The following CENPE variants were observed in gnomAD, a reference collection of about 807,000 sequenced individuals.
CENPE encodes the protein centromere-associated protein E.
In CENPE, 145 loss-of-function variants were observed where a neutral mutation model predicts 336.1. The observed-to-expected ratio is 0.43, with a 90% CI of 0.38 to 0.50. The LOEUF is 0.50. Ranked by LOEUF, CENPE falls within the 20% of genes least tolerant of loss-of-function variation. The pLI is 0.00. For missense variants in CENPE, 2,719 were observed against 3,023.3 expected (o/e 0.90, Z 2.36); for synonymous variants, 1,013 against 984.8 (o/e 1.03, Z -0.54).
chr4:103,131,427 A>C (rs1271817343), intron 42 of CENPE, among the ~76,000 whole-genome samples: 1 of 152,232 alleles, frequency 6.6e-6, no homozygotes, highest in East Asian at 1.9e-4. Context: ...ACTTACTAGA[A>C]TGGTCAAAAT....
At chr4:103,133,273 T>C (rs2125899632) in intron 41 of CENPE, among the ~76,000 whole-genome samples, 1 of 152,222 alleles carries the variant, frequency 6.6e-6, no homozygotes, top group Non-Finnish European at 1.5e-5. Flanking sequence ...CTTGAACCCC[T>C]GGAGTCAAGT....
chr4:103,113,947 T>C (rs1167921071), intron 46 of CENPE, among the ~76,000 whole-genome samples: 1 of 151,960 alleles, frequency 6.6e-6, no homozygotes, highest in African/African-American at 2.4e-5. Context: ...GCATGTATAT[T>C]GAGAAATTTG....
intron 15 of CENPE, among the ~76,000 whole-genome samples, chr4:103,175,156 A>G (rs1288971600): frequency 6.6e-6 from 1 of 152,010 alleles, no homozygotes; most frequent in Non-Finnish European, 1.5e-5. Flanking sequence ...GCTCCTCAGT[A>G]ATAAAACTGA....
chr4:103,146,035 C>T lies in CENPE; in HGVS notation c.4207G>A (p.Val1403Met), dbSNP rs377439303. Reference protein sequence around the residue: ...KEKDNETTKIVSEMEQFKPKD... With the variant: ...KEKDNETTKIMSEMEQFKPKD... ...GGTTTGAATTGCTCCATCTCACTCA[C>T]GATTTTGGTAGTTTCATTGTCTTTT... The change falls in exon 30 of 49, where the codon GTG (valine) becomes ATG (methionine). Residue 1403 changes from valine to methionine, a missense_variant. Around this residue, in one of 5 missense-constraint regions of CENPE, gnomAD observed 2,437 missense variants for 2,513.3 expected, o/e 0.97. Coordinates refer to ENST00000265148, the MANE Select transcript of CENPE (RefSeq NM_001813.3). 21 of 1,613,700 alleles carry T rather than the reference C, an allele frequency of 1.3e-5. No individual in the cohort carries two copies. The highest frequency in any genetic ancestry group is 2.7e-5 in the African/African-American group (2 of 74,884).
chr4:103,158,904 T>C lies in CENPE; in HGVS notation c.2602-18A>G. The C allele has an allele frequency of 6.3e-7, 1 of 1,587,574 alleles. No homozygotes were observed. The highest frequency in any genetic ancestry group is 8.5e-7 in the Non-Finnish European group (1 of 1,172,120). On this transcript the variant is annotated intron_variant, in intron 22 of 48. Transcript: ENST00000265148. Reference sequence around the variant, plus strand: ...TAAGAAAGCTTTAAAAAAGAAAAAGTAAATGTCACACAGTAAAAGCAGAGC... The same window carrying C: ...TAAGAAAGCTTTAAAAAAGAAAAAGCAAATGTCACACAGTAAAAGCAGAGC...
intron 8 of CENPE, among the ~76,000 whole-genome samples, chr4:103,190,487 C>A (rs1757208938): frequency 6.6e-6 from 1 of 152,112 alleles, no homozygotes; most frequent in African/African-American, 2.4e-5. Context: ...GAAATAATGC[C>A]ACATATCTAC....
intron 11 of CENPE, among the ~76,000 whole-genome samples, chr4:103,182,560 TG>T (rs1287340728): frequency 1.3e-5 from 2 of 152,144 alleles, no homozygotes; most frequent in Non-Finnish European, 2.9e-5. Context: ...AAAATAGTGT[TG>T]GGTGTGGCAA....
At chr4:103,144,678 C>G (rs925380649) in intron 32 of CENPE, 60 bp from the exon 33 acceptor site, 5 of 1,171,472 alleles carry the variant, frequency 4.3e-6, no homozygotes, top group Non-Finnish European at 6.0e-6. Flanking sequence ...AAAGGAAGAA[C>G]TGTTCCTAAA....
intron 36 of CENPE, 56 bp downstream of exon 36, chr4:103,140,758 T>A: frequency 4.8e-6 from 7 of 1,446,388 alleles, no homozygotes; most frequent in Non-Finnish European, 6.5e-6. Flanking sequence ...GTGAACACTG[T>A]ATTTTTGCCC....
In CENPE at chr4:103,179,220, C is replaced by T. The variant is rs573889957; in HGVS notation, c.1242+1091G>A. On this transcript the variant is annotated intron_variant, in intron 13 of 48. Transcript: ENST00000265148. ...ACATTTCTCCAATTTATCCAATTCA[C>T]TCCAACTCCAGAGCCACAATCTTTG... Among the ~76,000 whole-genome samples, 10 of 152,332 alleles carry T rather than the reference C, an allele frequency of 6.6e-5. No homozygotes were observed. The South Asian group carries it at 2.1e-3, about 32-fold the overall frequency.
At chr4:103,129,606 C>T (rs978525754) in intron 42 of CENPE, among the ~76,000 whole-genome samples, 9 of 151,836 alleles carry the variant, frequency 5.9e-5, no homozygotes, top group African/African-American at 2.2e-4. Flanking sequence ...CGTGGTGGTG[C>T]GTGTGTGTAA....
chr4:103,168,108 C>G (rs1415903092), intron 16 of CENPE, among the ~76,000 whole-genome samples: 1 of 152,022 alleles, frequency 6.6e-6, no homozygotes, highest in Non-Finnish European at 1.5e-5. Flanking sequence ...GCTGCAGCCT[C>G]CCTGCTCTCA....
Position 103,125,574 on chromosome 4 carries a change from G to A in CENPE, c.6925-2485C>T, listed in dbSNP as rs531307390. Among the ~76,000 whole-genome samples, 14 of 152,102 alleles carry A rather than the reference G, an allele frequency of 9.2e-5. No homozygotes were observed. In the East Asian group the frequency reaches 2.7e-3, roughly 29 times the overall value. On this transcript the variant is annotated intron_variant, in intron 42 of 48. Transcript: ENST00000265148. The stretch of plus-strand genomic sequence containing the variant: ...TTAGCATTTTAGGTGTTTAGAAGTT[G>A]CCAGTCCAGGACGGGTGCAGTGGCT...
intron 25 of CENPE, among the ~76,000 whole-genome samples, chr4:103,152,136 CA>C (rs11386251): frequency 4.1e-5 from 6 of 147,890 alleles, no homozygotes; most frequent in Admixed American, 1.3e-4. Flanking sequence ...ATTATGACAG[CA>C]AAAAAAAAGA....
At chr4:103,126,065 G>A (rs1751071989) in intron 42 of CENPE, among the ~76,000 whole-genome samples, 2 of 152,018 alleles carry the variant, frequency 1.3e-5, no homozygotes. Context: ...CAGTTATGGG[G>A]TAGGAAAACC....
Position 103,198,165 on chromosome 4 carries a change from G to A in CENPE, c.56+99C>T. 4 of 1,178,972 alleles carry A rather than the reference G, an allele frequency of 3.4e-6. No individual in the cohort carries two copies. In the South Asian group the frequency reaches 4.2e-5, roughly 13 times the overall value. The allele number at this position is 1,178,972 out of a possible 1,614,324, so 73.0% of individuals were successfully genotyped here. ...GCCGAGTCACTAGACAGCAGAGCCG[G>A]GAAGCAGCGGCTCCTGGAAACATCG... On this transcript the variant is annotated intron_variant, in intron 1 of 48. Coordinates refer to ENST00000265148, the MANE Select transcript of CENPE (RefSeq NM_001813.3).
In CENPE at chr4:103,120,265, A is replaced by T. The variant is rs768961010; in HGVS notation, c.7212T>A (p.Ile2404=). The change falls in exon 44 of 49, where the codon ATT becomes ATA. Residue 2404 remains isoleucine (I), a synonymous_variant. Transcript: ENST00000265148. Reference sequence around the variant, plus strand: ...CCTCAAGTTCTTTCTGCATCTTTATAATCTTGCTTTCCTTATGCATAGCAC... The same window carrying T: ...CCTCAAGTTCTTTCTGCATCTTTATTATCTTGCTTTCCTTATGCATAGCAC... ...KESAMHKESK[I]IKMQKELEVT... 2.5e-6 allele frequency: 4 copies of T among 1,612,794 alleles called. No individual in the cohort carries two copies. The highest frequency in any genetic ancestry group is 2.5e-6 in the Non-Finnish European group (3 of 1,179,490).
intron 1 of CENPE, 100 bp downstream of exon 1, chr4:103,198,164 G>C: frequency 4.3e-6 from 5 of 1,171,698 alleles, no homozygotes; most frequent in South Asian, 1.4e-5. Context: ...CAGCAGAGCC[G>C]GGAAGCAGCG....
intron 9 of CENPE, among the ~76,000 whole-genome samples, chr4:103,185,581 T>C (rs1366114159): frequency 3.9e-5 from 6 of 152,098 alleles, no homozygotes; most frequent in East Asian, 1.9e-4. Flanking sequence ...CCATCAATTG[T>C]ATAATTTTCA....
Sources: allele counts gnomAD v4.1 joint callset (sites outside exome capture counted in the v4.1 genomes callset), GRCh38; gene constraint gnomAD v4.1.1; regional missense constraint gnomAD v4.1.1; transcripts MANE v1.5; gene names NCBI Gene and HGNC (gene_info 2026-07-23, HGNC 2026-07-21).